Variants in KIF6 observed in about 807,000 individuals in gnomAD.
The protein encoded by KIF6 is kinesin family member 6, also known as kinesin-like protein KIF6.
KIF6 carries 106 observed loss-of-function variants against 112.7 expected under a neutral mutation model. The ratio of observed to expected loss-of-function variants is 0.94; its 90% CI spans 0.80 to 1.11. The LOEUF (loss-of-function observed/expected upper bound fraction) is 1.11, where lower values mean the gene tolerates loss of function less well. Ranked by LOEUF, KIF6 falls within the 50% of genes least tolerant of loss-of-function variation. The pLI, the probability that KIF6 is intolerant of heterozygous loss-of-function variation, is 0.00. For synonymous variants in KIF6, 339 were observed against 339.9 expected (o/e 1.00, Z 0.03); for missense variants, 929 against 964.0 (o/e 0.96, Z 0.48).
intron 16 of KIF6, among the ~76,000 whole-genome samples, chr6:39,375,373 G>A (rs540349512): frequency 6.6e-6 from 1 of 152,126 alleles, no homozygotes; most frequent in African/African-American, 2.4e-5. Flanking sequence ...AAAATCATGG[G>A]TGAGGCAATG....
At chr6:39,596,579 C>A (rs1412279004) in intron 6 of KIF6, among the ~76,000 whole-genome samples, 1 of 152,126 alleles carries the variant, frequency 6.6e-6, no homozygotes, top group Non-Finnish European at 1.5e-5. Flanking sequence ...TGGCTTAATG[C>A]TTGAAAATGC....
Position 39,336,586 on chromosome 6 carries a change from A to G in KIF6, c.2429-38T>C, listed in dbSNP as rs569348612. On this transcript the variant is annotated intron_variant, in intron 22 of 22. Coordinates refer to ENST00000287152, the MANE Select transcript of KIF6 (RefSeq NM_145027.6). ...CAGGATGCTTTTGGTTAGGCTGTGC[A>G]TGCAGACACTGACTTTTCCCAGGAT... The G allele has an allele frequency of 1.9e-6, 3 of 1,607,140 alleles. No individual in the cohort carries two copies. In the South Asian group the frequency reaches 3.3e-5, roughly 18 times the overall value.
At chr6:39,584,545 T>C (rs567739626) in intron 9 of KIF6, among the ~76,000 whole-genome samples, 1 of 151,644 alleles carries the variant, frequency 6.6e-6, no homozygotes, top group African/African-American at 2.4e-5. Context: ...GTGGTTCTGT[T>C]GTATGAGTCC....
At chr6:39,466,620 G>T (rs1477683725) in intron 13 of KIF6, among the ~76,000 whole-genome samples, 1 of 151,996 alleles carries the variant, frequency 6.6e-6, no homozygotes, top group African/African-American at 2.4e-5. Context: ...CTCTACTCTG[G>T]ATGACTGTAA....
chr6:39,713,815 A>G (rs936004897), intron 3 of KIF6, among the ~76,000 whole-genome samples: 3 of 152,234 alleles, frequency 2.0e-5, no homozygotes, highest in African/African-American at 7.2e-5. Flanking sequence ...AGACAAGGGC[A>G]TGGTTTGCAT....
At chr6:39,681,705 C>A (rs1028993985) in intron 3 of KIF6, among the ~76,000 whole-genome samples, 9 of 152,106 alleles carry the variant, frequency 5.9e-5, no homozygotes, top group African/African-American at 2.2e-4. Context: ...CTTCCCTTCC[C>A]AATTCCACGG....
intron 16 of KIF6, among the ~76,000 whole-genome samples, chr6:39,371,953 C>T (rs1160563892): frequency 6.6e-6 from 1 of 152,052 alleles, no homozygotes; most frequent in East Asian, 1.9e-4. Context: ...TACCAATGGC[C>T]CTTCCTCCCT....
At chr6:39,409,801 G>C (rs918938404) in intron 15 of KIF6, among the ~76,000 whole-genome samples, 1 of 152,160 alleles carries the variant, frequency 6.6e-6, no homozygotes, top group Non-Finnish European at 1.5e-5. Context: ...TCAACAGGGG[G>C]ACTCATCAGT....
intron 13 of KIF6, among the ~76,000 whole-genome samples, chr6:39,457,511 A>G (rs2150417037): frequency 6.6e-6 from 1 of 150,972 alleles, no homozygotes; most frequent in Non-Finnish European, 1.5e-5. Context: ...GGCAAGAAAT[A>G]ACTAAAATCA....
intron 19 of KIF6, among the ~76,000 whole-genome samples, chr6:39,356,829 G>A (rs1258168996): frequency 6.6e-6 from 1 of 152,164 alleles, no homozygotes; most frequent in South Asian, 2.1e-4. Context: ...CTGGCTCTGG[G>A]CCATCCTCAT....
intron 3 of KIF6, among the ~76,000 whole-genome samples, chr6:39,656,078 T>C (rs545315442): frequency 1.5e-4 from 23 of 152,196 alleles, no homozygotes; most frequent in African/African-American, 2.4e-4. Flanking sequence ...TTGATCAATA[T>C]AGTGTTGACC....
intron 13 of KIF6, among the ~76,000 whole-genome samples, chr6:39,513,938 T>C (rs944707835): frequency 7.2e-5 from 11 of 152,226 alleles, no homozygotes; most frequent in Admixed American, 5.2e-4. Flanking sequence ...AAAAAGTTTT[T>C]ACATAAAGTG....
Position 39,343,676 on chromosome 6 carries a change from C to T in KIF6, c.2428+33G>A. 2 of 1,518,676 alleles carry T rather than the reference C, an allele frequency of 1.3e-6. No homozygotes were observed. Among genetic ancestry groups the T allele is most frequent in the Non-Finnish European group, 1.8e-6 (2 of 1,108,498 alleles). 94.1% of individuals were successfully genotyped at this position (1,518,676 alleles called of 1,614,324 possible). A position where few individuals can be genotyped will look rare whatever the true frequency, so the allele number is the denominator to read the frequency against. ...CCCCACAAGTGTTGGTGACCTGCTGCCCAGGAGGAGCCACCGAGGGAGGTG... is the reference window on the plus strand; with the variant it reads ...CCCCACAAGTGTTGGTGACCTGCTGTCCAGGAGGAGCCACCGAGGGAGGTG... On this transcript the variant is annotated intron_variant, in intron 22 of 22. Transcript: ENST00000287152. The surrounding 1 kb of genome is among the most constrained non-coding windows in gnomAD (Gnocchi z 4.1).
intron 14 of KIF6, among the ~76,000 whole-genome samples, chr6:39,430,644 T>A (rs1228106011): frequency 6.6e-6 from 1 of 152,212 alleles, no homozygotes; most frequent in African/African-American, 2.4e-5. Flanking sequence ...TGCACATATT[T>A]TCTTTGACTA....
intron 7 of KIF6, 130 bp downstream of exon 7, chr6:39,595,924 A>G (rs1782225289): frequency 1.5e-6 from 1 of 685,700 alleles, no homozygotes. Flanking sequence ...AAAAATGATT[A>G]AAATGGCAAA....
intron 10 of KIF6, among the ~76,000 whole-genome samples, chr6:39,575,215 C>G (rs1348010415): frequency 6.6e-6 from 1 of 152,076 alleles, no homozygotes; most frequent in African/African-American, 2.4e-5. Flanking sequence ...TCAGCTTGAG[C>G]AGCTTGTCTG....
chr6:39,662,086 G>A (rs1432630314), intron 3 of KIF6, among the ~76,000 whole-genome samples: 1 of 151,864 alleles, frequency 6.6e-6, no homozygotes, highest in Non-Finnish European at 1.5e-5. Context: ...ATATCATTGG[G>A]CCATTCTAGT....
chr6:39,650,554 TATA>T (rs1418866428), intron 3 of KIF6, among the ~76,000 whole-genome samples: 3 of 151,710 alleles, frequency 2.0e-5, no homozygotes, highest in African/African-American at 7.2e-5. Context: ...TTACATAATT[TATA>T]ATTACATTAT....
At chr6:39,508,777 T>C (rs1041334680) in intron 13 of KIF6, among the ~76,000 whole-genome samples, 8 of 152,100 alleles carry the variant, frequency 5.3e-5, no homozygotes, top group African/African-American at 1.7e-4. Context: ...CCTCTATAGA[T>C]TCCACTTCTG....
Sources: gnomAD v4.1 joint callset for allele counts (sites outside exome capture counted in the v4.1 genomes callset) on GRCh38, gnomAD v4.1.1 for gene constraint, Gnocchi (gnomAD v3.1) non-coding constraint, MANE v1.5 for transcripts, NCBI Gene and HGNC (gene_info 2026-07-23, HGNC 2026-07-21) for gene names.